The following CLEC5A variants were observed in gnomAD, a reference collection of about 807,000 sequenced individuals.
CLEC5A encodes C-type lectin domain family 5 member A.
A neutral mutation model predicts 24.4 loss-of-function variants in CLEC5A; 15 were observed. The ratio of observed to expected loss-of-function variants is 0.62; its 90% CI spans 0.41 to 0.95. The LOEUF is 0.95. Among genes scored for constraint, CLEC5A ranks in the 40% least tolerant of loss-of-function variants. The pLI is 0.00. For missense variants in CLEC5A, 211 were observed against 224.0 expected, an observed-to-expected ratio of 0.94 and a Z score of 0.37; for synonymous variants, 71 against 72.6, an observed-to-expected ratio of 0.98 and a Z score of 0.11.
chr7:141,931,926 C>T (rs184165682), intron 5 of CLEC5A, 100 bp from the exon 6 acceptor site: 52 of 597,398 alleles, frequency 8.7e-5, no homozygotes, highest in South Asian at 4.1e-4. Context: ...TAAGGAAGGC[C>T]GGTAGAGAAC....
chr7:141,929,909 T>G lies in CLEC5A; in HGVS notation c.*195A>C. 1.8e-6 allele frequency: 1 copy of G among 559,122 alleles called. No homozygotes were observed. 34.6% of individuals were successfully genotyped at this position (559,122 alleles called of 1,614,324 possible). ...CTCATCTCTATACTAACTGAGTTGT[T>G]TCCGTAAAACTGATCCTGTCTCCTG... On this transcript the variant is annotated 3_prime_UTR_variant, in exon 7 of 7. Transcript: ENST00000546910.
Position 141,929,176 on chromosome 7 carries a change from CA to C in CLEC5A, c.*927del, listed in dbSNP as rs1554439942. 1 of 152,238 alleles carries C rather than the reference CA, an allele frequency of 6.6e-6. No homozygotes were observed. The highest frequency in any genetic ancestry group is 6.5e-5 in the Admixed American group (1 of 15,274). The allele number at this position is 152,238 out of a possible 1,614,324, so 9.4% of individuals were successfully genotyped here. ...AGTTCTAGATCAATGTGATGCCAAT[CA>C]GTGCCAGGCTCCTTGGGGTCAGTAG... On this transcript the variant is annotated 3_prime_UTR_variant, in exon 7 of 7. Transcript: ENST00000546910.
Position 141,931,598 on chromosome 7 carries a change from G to A in CLEC5A, c.452+122C>T, listed in dbSNP as rs371108705. 113 of 631,460 alleles carry A rather than the reference G, an allele frequency of 1.8e-4. No individual in the cohort carries two copies. In the African/African-American group the frequency reaches 1.9e-3, roughly 11 times the overall value. 39.1% of individuals were successfully genotyped at this position (631,460 alleles called of 1,614,324 possible). A position where few individuals can be genotyped will look rare whatever the true frequency, so the allele number is the denominator to read the frequency against. ...AGGGAATAGATGGGTTGGAAGAAAGGAGAAGAGCAGAACAGAGTCAAGTGT... is the reference window on the plus strand; with the variant it reads ...AGGGAATAGATGGGTTGGAAGAAAGAAGAAGAGCAGAACAGAGTCAAGTGT... On this transcript the variant is annotated intron_variant, in intron 6 of 6. Coordinates refer to ENST00000546910, the MANE Select transcript of CLEC5A (RefSeq NM_013252.3).
rs191213420 is a variant in CLEC5A at position 141,943,356 on chromosome 7, C to T, written c.208+540G>A. On this transcript the variant is annotated intron_variant, in intron 4 of 6. Coordinates refer to ENST00000546910, the MANE Select transcript of CLEC5A (RefSeq NM_013252.3). ...AACTTCACATGTTTTCACTTACTTG[C>T]AGGAGCTAAAATTTGAAACAATTGA... 2.6e-5 allele frequency among the ~76,000 whole-genome samples: 4 copies of T among 152,010 alleles called. No homozygotes were observed. The East Asian group carries it at 5.8e-4, about 22-fold the overall frequency.
intron 4 of CLEC5A, among the ~76,000 whole-genome samples, chr7:141,937,694 T>C (rs1802670331): frequency 6.6e-6 from 1 of 152,136 alleles, no homozygotes. Flanking sequence ...GCAGTAGCCA[T>C]GTAGTGGTTA....
At position 141,945,406 on chromosome 7, in the gene CLEC5A, A is replaced by G; in HGVS notation, c.80-6T>C. On this transcript the variant is annotated splice_polypyrimidine_tract_variant and splice_region_variant and intron_variant, in intron 2 of 6. Coordinates refer to ENST00000546910, the MANE Select transcript of CLEC5A (RefSeq NM_013252.3). ...TTTGTTAAAAATCTGTGGGACTGAA[A>G]AGAAAATCAGCTGTTGGCTCAGCCC... 1 of 1,610,254 alleles carries G rather than the reference A, an allele frequency of 6.2e-7. No individual in the cohort carries two copies. The highest frequency in any genetic ancestry group is 8.5e-7 in the Non-Finnish European group (1 of 1,176,666).
Position 141,945,352 on chromosome 7 carries a change from C to A in CLEC5A, c.128G>T (p.Ser43Ile), listed in dbSNP as rs1421664847. ...ACCATGCAGATTACCTGTTCCATAG[C>A]TCCTGGTGGTGGTGAAACCATCGTT... is the stretch of plus-strand genomic sequence containing the variant. ...KSNDGFTTTR[S>I]YGTVSQIFGS... is the part of the protein sequence containing the mutation. Residue 43 changes from serine to isoleucine, a missense_variant, in exon 3 of 7, where the codon AGC (serine) becomes ATC (isoleucine). Coordinates refer to ENST00000546910, the MANE Select transcript of CLEC5A (RefSeq NM_013252.3). 1.9e-6 allele frequency: 3 copies of A among 1,611,288 alleles called. No individual in the cohort carries two copies. Among genetic ancestry groups the A allele is most frequent in the Non-Finnish European group, 2.5e-6 (3 of 1,177,562 alleles).
chr7:141,930,450 T>G (rs1466283027), intron 6 of CLEC5A, among the ~76,000 whole-genome samples: 1 of 152,200 alleles, frequency 6.6e-6, no homozygotes. Context: ...AAACCCACCC[T>G]TTCCTGTCAG....
At position 141,931,844 on chromosome 7, in the gene CLEC5A, A is replaced by G; in HGVS notation, c.346-18T>C. The G allele has an allele frequency of 8.2e-7, 1 of 1,217,310 alleles. No homozygotes were observed. The highest frequency in any genetic ancestry group is 1.2e-6 in the Non-Finnish European group (1 of 838,636). The allele number at this position is 1,217,310 out of a possible 1,614,324, so 75.4% of individuals were successfully genotyped here. A position where few individuals can be genotyped will look rare whatever the true frequency, so the allele number is the denominator to read the frequency against. ...AGAAACTTCTGGAAATAAAAAAAAA[A>G]TTTTACCAGTGAGTCTTTTAATGAT... On this transcript the variant is annotated intron_variant, in intron 5 of 6. Transcript: ENST00000546910.
chr7:141,934,858 A>G (rs1473480423), intron 5 of CLEC5A, among the ~76,000 whole-genome samples: 5 of 152,036 alleles, frequency 3.3e-5, no homozygotes, highest in African/African-American at 4.8e-5. Context: ...TTCATCACCA[A>G]GGAAAAGGTA....
intron 4 of CLEC5A, among the ~76,000 whole-genome samples, chr7:141,942,657 AAT>A (rs1554441739): frequency 6.6e-6 from 1 of 152,164 alleles, no homozygotes; most frequent in East Asian, 1.9e-4. Flanking sequence ...AATGGAAAAA[AAT>A]GTTTGAAAAC....
intron 4 of CLEC5A, among the ~76,000 whole-genome samples, chr7:141,940,250 A>G (rs984806685): frequency 1.3e-5 from 2 of 152,112 alleles, no homozygotes; most frequent in East Asian, 1.9e-4. Context: ...TCTGACCACA[A>G]TGGAATTAAA....
rs1802555321 is a variant in CLEC5A, at chr7:141,934,459, T to A, written c.345+1355A>T. On this transcript the variant is annotated intron_variant, in intron 5 of 6. Coordinates refer to ENST00000546910, the MANE Select transcript of CLEC5A (RefSeq NM_013252.3). ...GAAGAGTGGGGGGGTCAAATATAATTGACTCAGTTTTGAACATAGTGAGTT... is the reference window on the plus strand; with the variant it reads ...GAAGAGTGGGGGGGTCAAATATAATAGACTCAGTTTTGAACATAGTGAGTT... 4.6e-5 allele frequency among the ~76,000 whole-genome samples: 7 copies of A among 152,178 alleles called. No individual in the cohort carries two copies. The South Asian group carries it at 1.2e-3, about 27-fold the overall frequency.
Position 141,930,357 on chromosome 7 carries a change from C to A in CLEC5A, c.453-139G>T. On this transcript the variant is annotated intron_variant, in intron 6 of 6. Transcript: ENST00000546910. ...TTTTGCCTGGAAGGGCAGCAGACTA[C>A]CGGGCCCACACACGTCTCCATCTGC... 4.7e-6 allele frequency: 3 copies of A among 643,182 alleles called. No homozygotes were observed. The East Asian group carries it at 8.3e-5, about 18-fold the overall frequency. The allele number at this position is 643,182 out of a possible 1,614,324, so 39.8% of individuals were successfully genotyped here.
intron 5 of CLEC5A, among the ~76,000 whole-genome samples, chr7:141,934,015 CT>C (rs1802544438): frequency 6.6e-6 from 1 of 152,166 alleles, no homozygotes; most frequent in Non-Finnish European, 1.5e-5. Context: ...GTATGGCCCC[CT>C]GAGTGTTCTT....
At chr7:141,930,291 C>T in intron 6 of CLEC5A, 73 bp from the exon 7 acceptor site, 1 of 1,147,064 alleles carries the variant, frequency 8.7e-7, no homozygotes, top group Non-Finnish European at 1.3e-6. Context: ...ATCATTTTAG[C>T]CCAGCCTCTT....
In CLEC5A at chr7:141,930,151, A is replaced by G; in HGVS notation, c.520T>C (p.Ser174Pro). 1 of 1,614,204 alleles carries G rather than the reference A, an allele frequency of 6.2e-7. No homozygotes were observed. Among genetic ancestry groups the G allele is most frequent in the South Asian group, 1.1e-5 (1 of 91,082 alleles). ...IGLTKTFDAA[S>P]CDISYRRICE... Reference sequence around the variant, plus strand: ...ATCCTGCGGTAGCTGATGTCACATGATGCAGCATCAAATGTCTTTGTTAGG... The same window carrying G: ...ATCCTGCGGTAGCTGATGTCACATGGTGCAGCATCAAATGTCTTTGTTAGG... The change falls in exon 7 of 7, where the codon TCA (serine) becomes CCA (proline). Residue 174 changes from serine to proline, a missense_variant. Transcript: ENST00000546910.
intron 2 of CLEC5A, 76 bp from the exon 3 acceptor site, chr7:141,945,476 G>GTACCCTAGCAGCCCCT: frequency 9.5e-6 from 9 of 948,574 alleles, no homozygotes; most frequent in Non-Finnish European, 1.6e-5. Flanking sequence ...TATCAGCACA[G>GTACCCTAGCAGCCCCT]GGGCTGCTAG....
rs1802338155 is a variant in CLEC5A at position 141,927,655 on chromosome 7, G to A, written c.*2449C>T. 6.6e-6 allele frequency: 1 copy of A among 152,238 alleles called. No individual in the cohort carries two copies. Among genetic ancestry groups the A allele is most frequent in the Admixed American group, 6.5e-5 (1 of 15,280 alleles). The allele number at this position is 152,238 out of a possible 1,614,324, so 9.4% of individuals were successfully genotyped here. A position where few individuals can be genotyped will look rare whatever the true frequency, so the allele number is the denominator to read the frequency against. On this transcript the variant is annotated 3_prime_UTR_variant, in exon 7 of 7. Coordinates refer to ENST00000546910, the MANE Select transcript of CLEC5A (RefSeq NM_013252.3). ...AGGCTGGGCCCACATTTGAGGTCATGAAAAGTGTGTCTTTGATCTCATGTG... is the reference window on the plus strand; with the variant it reads ...AGGCTGGGCCCACATTTGAGGTCATAAAAAGTGTGTCTTTGATCTCATGTG...
Sources: allele counts gnomAD v4.1 joint callset (sites outside exome capture counted in the v4.1 genomes callset), GRCh38; gene constraint gnomAD v4.1.1; transcripts MANE v1.5; gene names NCBI Gene and HGNC (gene_info 2026-07-23, HGNC 2026-07-21).